Variants in CSGALNACT1 observed in about 807,000 individuals in gnomAD.
The protein encoded by CSGALNACT1 is beta4GalNAcT-1.
CSGALNACT1 carries 52 observed loss-of-function variants against 51.0 expected under a neutral mutation model. The observed-to-expected ratio is 1.02, with a 90% CI of 0.82 to 1.29. The LOEUF is 1.29. Ranked by LOEUF, CSGALNACT1 falls within the 50% of genes most tolerant of loss-of-function variation. CSGALNACT1 has a pLI of 0.00. For synonymous variants in CSGALNACT1, 341 were observed against 254.4 expected (o/e 1.34, Z -3.24); for missense variants, 935 against 679.2 (o/e 1.38, Z -4.19).
intron 3 of CSGALNACT1, among the ~76,000 whole-genome samples, chr8:19,552,753 T>G (rs573738688): frequency 6.6e-6 from 1 of 152,214 alleles, no homozygotes; most frequent in Non-Finnish European, 1.5e-5. Context: ...AGTTTCCTTG[T>G]GTAAAAAGTG....
chr8:19,632,072 G>T (rs1320388908), intron 1 of CSGALNACT1, among the ~76,000 whole-genome samples: 5 of 152,190 alleles, frequency 3.3e-5, no homozygotes, highest in Admixed American at 3.3e-4. Context: ...ACACCTTCTT[G>T]TTTACATAAT....
chr8:19,675,027 G>C (rs531522879), intron 1 of CSGALNACT1, among the ~76,000 whole-genome samples: 4 of 152,296 alleles, frequency 2.6e-5, no homozygotes, highest in African/African-American at 9.6e-5. Context: ...ACATCATCTA[G>C]ATGAAGATAC....
chr8:19,497,120 A>G (rs1039680150), intron 4 of CSGALNACT1, among the ~76,000 whole-genome samples: 2 of 152,224 alleles, frequency 1.3e-5, no homozygotes, highest in Admixed American at 6.5e-5. Flanking sequence ...CCTAAGACCC[A>G]GTGACGTGGT....
At chr8:19,429,640 GA>G (rs2059346675) in intron 6 of CSGALNACT1, among the ~76,000 whole-genome samples, 1 of 152,158 alleles carries the variant, frequency 6.6e-6, no homozygotes, top group Non-Finnish European at 1.5e-5. Flanking sequence ...ATAGATATTT[GA>G]GTTGTTTCTA....
At chr8:19,675,852 T>C (rs1169315449) in intron 1 of CSGALNACT1, among the ~76,000 whole-genome samples, 2 of 151,952 alleles carry the variant, frequency 1.3e-5, no homozygotes, top group Admixed American at 6.6e-5. Context: ...CCAAGTCACA[T>C]GCGGGCAGGA....
At chr8:19,460,555 G>T (rs917188404) in intron 4 of CSGALNACT1, among the ~76,000 whole-genome samples, 2 of 152,140 alleles carry the variant, frequency 1.3e-5, no homozygotes, top group African/African-American at 2.4e-5. Context: ...AGTGAACCAA[G>T]AATGCACCTC....
At chr8:19,638,418 C>T (rs1429421134) in intron 1 of CSGALNACT1, among the ~76,000 whole-genome samples, 1 of 152,110 alleles carries the variant, frequency 6.6e-6, no homozygotes, top group Non-Finnish European at 1.5e-5. Context: ...AACCTTGGAC[C>T]TCGCCTTCTT....
chr8:19,551,996 T>C (rs2088237718), intron 3 of CSGALNACT1, among the ~76,000 whole-genome samples: 1 of 152,210 alleles, frequency 6.6e-6, no homozygotes. Flanking sequence ...TTAGGTTAAC[T>C]AGCACTGGAT....
intron 1 of CSGALNACT1, among the ~76,000 whole-genome samples, chr8:19,746,943 T>A (rs1174646420): frequency 1.3e-5 from 2 of 152,158 alleles, no homozygotes; most frequent in Non-Finnish European, 2.9e-5. Flanking sequence ...AACACAACCA[T>A]CGCTTGTGGA....
intron 1 of CSGALNACT1, among the ~76,000 whole-genome samples, chr8:19,620,340 G>T (rs972775656): frequency 3.0e-5 from 4 of 135,092 alleles, no homozygotes; most frequent in African/African-American, 5.5e-5. Flanking sequence ...AAAAAAAAAA[G>T]TGCGAAATAC....
intron 1 of CSGALNACT1, among the ~76,000 whole-genome samples, chr8:19,609,364 G>T (rs758178581): frequency 4.1e-5 from 6 of 148,060 alleles, no homozygotes; most frequent in Admixed American, 6.9e-5. Flanking sequence ...ACTAGATAAT[G>T]AAGTTTAAAA....
rs147470628 is a variant in CSGALNACT1, at chr8:19,408,722, G to A, written c.1228-28C>T. 258 of 1,604,646 alleles carry A rather than the reference G, an allele frequency of 1.6e-4. 3 individuals are homozygous for A. In the African/African-American group the frequency reaches 3.0e-3, roughly 19 times the overall value. On this transcript the variant is annotated intron_variant, in intron 8 of 9. Transcript: ENST00000454498. ...GCAAGAAAAGCACTGTCATTTGAGG[G>A]GAAAGTTTAGGGTGGACAAAAATAG...
chr8:19,425,839 C>G (rs80031256), intron 6 of CSGALNACT1, among the ~76,000 whole-genome samples: 1 of 152,134 alleles, frequency 6.6e-6, no homozygotes, highest in Non-Finnish European at 1.5e-5. Flanking sequence ...CCCTCAAATA[C>G]GCGCTCTGCA....
chr8:19,487,906 A>G (rs573585212), intron 4 of CSGALNACT1, among the ~76,000 whole-genome samples: 3 of 108,644 alleles, frequency 2.8e-5, no homozygotes, highest in East Asian at 3.9e-4. Flanking sequence ...AAGATATGCT[A>G]AAAAAACTGT....
At chr8:19,652,807 C>T (rs1316755066) in intron 1 of CSGALNACT1, among the ~76,000 whole-genome samples, 1 of 152,160 alleles carries the variant, frequency 6.6e-6, no homozygotes, top group Non-Finnish European at 1.5e-5. Flanking sequence ...TATTAACATA[C>T]TTGACTTCTC....
At chr8:19,433,579 A>G (rs909361886) in intron 6 of CSGALNACT1, among the ~76,000 whole-genome samples, 1 of 152,216 alleles carries the variant, frequency 6.6e-6, no homozygotes, top group Non-Finnish European at 1.5e-5. Flanking sequence ...TGAAGAAAAT[A>G]CTTTCTGCAT....
At chr8:19,737,533 AAG>A (rs1164744459) in intron 1 of CSGALNACT1, among the ~76,000 whole-genome samples, 4 of 152,150 alleles carry the variant, frequency 2.6e-5, no homozygotes, top group Admixed American at 6.5e-5. Context: ...AAAAATTTCT[AAG>A]AGAACAACTG....
chr8:19,516,096 C>T (rs147394561), intron 3 of CSGALNACT1, among the ~76,000 whole-genome samples: 2 of 152,136 alleles, frequency 1.3e-5, no homozygotes, highest in African/African-American at 4.8e-5. Flanking sequence ...CCGCATGAAA[C>T]CAGCCTTCCA....
At chr8:19,716,953 A>G (rs2062846271) in intron 1 of CSGALNACT1, among the ~76,000 whole-genome samples, 1 of 152,228 alleles carries the variant, frequency 6.6e-6, no homozygotes, top group Admixed American at 6.5e-5. Flanking sequence ...ATCCTACACT[A>G]GAGCCACAGC....
Sources: allele counts gnomAD v4.1 joint callset (sites outside exome capture counted in the v4.1 genomes callset), GRCh38; gene constraint gnomAD v4.1.1; transcripts MANE v1.5; gene names NCBI Gene and HGNC (gene_info 2026-07-23, HGNC 2026-07-21).